FOCAD: variants seen among roughly 807,000 people sequenced by gnomAD.
FOCAD encodes focadhesin.
In FOCAD, 198 loss-of-function variants were observed where a neutral mutation model predicts 225.6. The ratio of observed to expected loss-of-function variants is 0.88; its 90% confidence interval spans 0.78 to 0.99. The LOEUF is 0.99. FOCAD is among the 50% of genes least tolerant of loss of function. The pLI, the probability that FOCAD is intolerant of heterozygous loss-of-function variation, is 0.00. For synonymous variants in FOCAD, 897 were observed against 755.0 expected (o/e 1.19, Z -3.08); for missense variants, 2,713 against 2,123.6 (o/e 1.28, Z -5.46).
intron 36 of FOCAD, among the ~76,000 whole-genome samples, chr9:20,978,080 G>GT (rs939049497): frequency 1.3e-5 from 2 of 152,166 alleles, no homozygotes; most frequent in Non-Finnish European, 2.9e-5. Context: ...TGAGTGTGTA[G>GT]TTTCCTCTGG....
chr9:20,946,683 G>T lies in FOCAD; in HGVS notation c.3556-18G>T. ...TTTCCTCCTGAAGACATATTTTTCT[G>T]CTGTATTTTCTTCTCAGGTCCTTGC... is the stretch of plus-strand genomic sequence containing the variant. On this transcript the variant is annotated intron_variant, in intron 29 of 43. Transcript: ENST00000338382. 3 of 1,594,786 alleles carry T rather than the reference G, an allele frequency of 1.9e-6. No homozygotes were observed. Among genetic ancestry groups the T allele is most frequent in the Admixed American group, 3.6e-5 (2 of 56,202 alleles).
At chr9:20,933,466 G>C (rs1349747159) in intron 28 of FOCAD, among the ~76,000 whole-genome samples, 1 of 152,134 alleles carries the variant, frequency 6.6e-6, no homozygotes, top group Non-Finnish European at 1.5e-5. Flanking sequence ...TTCCATTCCT[G>C]AGTTACTTCA....
intron 19 of FOCAD, among the ~76,000 whole-genome samples, chr9:20,880,112 G>C (rs1005693179): frequency 1.3e-5 from 2 of 152,162 alleles, no homozygotes; most frequent in African/African-American, 4.8e-5. Context: ...TTACTCATCT[G>C]TTTTGTGTAA....
chr9:20,934,618 T>C (rs941143807), intron 28 of FOCAD, among the ~76,000 whole-genome samples: 5 of 152,158 alleles, frequency 3.3e-5, no homozygotes, highest in Non-Finnish European at 5.9e-5. Context: ...TTTATACCAG[T>C]ACCATGCTGT....
chr9:20,717,469 A>G (rs1162381023), intron 2 of FOCAD, among the ~76,000 whole-genome samples: 2 of 152,204 alleles, frequency 1.3e-5, no homozygotes, highest in Admixed American at 1.3e-4. Context: ...TTTCTCATTC[A>G]TGTTTTAATG....
intron 8 of FOCAD, among the ~76,000 whole-genome samples, chr9:20,773,097 A>G (rs1405747718): frequency 1.3e-5 from 2 of 152,160 alleles, no homozygotes; most frequent in African/African-American, 2.4e-5. Flanking sequence ...GGTAAAACCC[A>G]TATTTTTCCT....
chr9:20,860,805 C>T lies in FOCAD; in HGVS notation c.1921-1773C>T, dbSNP rs114985771. 9.6e-3 allele frequency among the ~76,000 whole-genome samples: 1,469 copies of T among 152,306 alleles called. 20 individuals carry two copies. The highest frequency in any genetic ancestry group is 0.033 in the African/African-American group (1,390 of 41,564). ...GGATTACAGGCGTGAGCCACCACGC[C>T]AGGCCCAAATGAATCTTTTAAGAAT... On this transcript the variant is annotated intron_variant, in intron 15 of 43. Transcript: ENST00000338382.
chr9:20,725,727 A>G (rs537286267), intron 4 of FOCAD, among the ~76,000 whole-genome samples: 1 of 152,222 alleles, frequency 6.6e-6, no homozygotes, highest in Non-Finnish European at 1.5e-5. Context: ...GTTACATTGT[A>G]TAGTCTAACT....
intron 14 of FOCAD, among the ~76,000 whole-genome samples, chr9:20,821,560 A>G (rs1365008287): frequency 6.6e-6 from 1 of 152,108 alleles, no homozygotes. Context: ...TTTTAGGAAA[A>G]CATAAAGAAA....
chr9:20,940,584 C>T (rs938246501), intron 28 of FOCAD, among the ~76,000 whole-genome samples: 2 of 152,190 alleles, frequency 1.3e-5, no homozygotes, highest in African/African-American at 4.8e-5. Flanking sequence ...CTGCACCCAG[C>T]ATAGTTCTCT....
At chr9:20,804,625 C>CT (rs1822211630) in intron 11 of FOCAD, among the ~76,000 whole-genome samples, 1 of 152,120 alleles carries the variant, frequency 6.6e-6, no homozygotes, top group Non-Finnish European at 1.5e-5. Flanking sequence ...TGTTATTACA[C>CT]TGTGTGTGAA....
intron 14 of FOCAD, among the ~76,000 whole-genome samples, chr9:20,822,552 A>G (rs964571665): frequency 1.3e-5 from 2 of 151,996 alleles, no homozygotes; most frequent in Non-Finnish European, 2.9e-5. Context: ...AGGTGTAACC[A>G]CCCTAGTTAG....
In FOCAD at chr9:20,965,094, G is replaced by A. The variant is rs554459753; in HGVS notation, c.4133-11326G>A. 1.9e-3 allele frequency among the ~76,000 whole-genome samples: 292 copies of A among 152,260 alleles called. 1 individual carries two copies. The highest frequency in any genetic ancestry group is 6.3e-3 in the African/African-American group (263 of 41,530). ...TGAACTTTCACAGAGGAAGAACACC[G>A]AAGCTTAAGGAAGCAGTTATTTCAG... On this transcript the variant is annotated intron_variant, in intron 35 of 43. Transcript: ENST00000338382.
rs534677988 is a variant in FOCAD, at chr9:20,961,001, C to T, written c.4132+7936C>T. Among the ~76,000 whole-genome samples the T allele has an allele frequency of 3.5e-3, 534 of 152,132 alleles. 4 individuals are homozygous for T. Among genetic ancestry groups the T allele is most frequent in the African/African-American group, 0.012 (511 of 41,464 alleles). On this transcript the variant is annotated intron_variant, in intron 35 of 43. Coordinates refer to ENST00000338382, the MANE Select transcript of FOCAD (RefSeq NM_001375567.1). ...CTTAATCCAGTCTATCATTGATGGA[C>T]ATTTGGGTTGGTTCCAAGTCTTTGC...
intron 6 of FOCAD, among the ~76,000 whole-genome samples, chr9:20,760,793 A>C (rs1476454746): frequency 6.6e-6 from 1 of 152,100 alleles, no homozygotes; most frequent in Non-Finnish European, 1.5e-5. Flanking sequence ...TGCTTGGCAC[A>C]TTTCTAGGTG....
chr9:20,903,935 C>G (rs1442144703), intron 21 of FOCAD, among the ~76,000 whole-genome samples: 1 of 151,878 alleles, frequency 6.6e-6, no homozygotes, highest in Non-Finnish European at 1.5e-5. Context: ...CTTCCCCTCT[C>G]CCCCGGCAGC....
At chr9:20,989,879 T>A (rs1841495267) in intron 41 of FOCAD, among the ~76,000 whole-genome samples, 1 of 152,178 alleles carries the variant, frequency 6.6e-6, no homozygotes, top group Non-Finnish European at 1.5e-5. Context: ...AACTGTTGGG[T>A]CTTCTGCCTT....
chr9:20,766,099 A>G (rs1171624094), intron 7 of FOCAD, among the ~76,000 whole-genome samples: 1 of 152,124 alleles, frequency 6.6e-6, no homozygotes, highest in Non-Finnish European at 1.5e-5. Flanking sequence ...ACTAGGGTAC[A>G]TTTTTCACGT....
At chr9:20,976,266 T>G in intron 35 of FOCAD, 154 bp from the exon 36 acceptor site, 1 of 619,376 alleles carries the variant, frequency 1.6e-6, no homozygotes, top group Middle Eastern at 4.3e-4. Context: ...GCAAATGGAG[T>G]TGAAATTAAG....
Sources: allele counts gnomAD v4.1 joint callset (sites outside exome capture counted in the v4.1 genomes callset), GRCh38; gene constraint gnomAD v4.1.1; transcripts MANE v1.5; gene names NCBI Gene and HGNC (gene_info 2026-07-23, HGNC 2026-07-21).